NEGR1: variants seen among roughly 807,000 people sequenced by gnomAD.
NEGR1 encodes the protein neuronal growth regulator 1, also known as IgLON family member 4.
Under a neutral mutation model 40.9 loss-of-function variants are expected in NEGR1, and 10 were observed. The observed-to-expected ratio is 0.24, with a 90% CI of 0.15 to 0.42. The LOEUF is 0.42. Among genes scored for constraint, NEGR1 ranks in the 10% least tolerant of loss-of-function variants. The pLI is 1.00. For synonymous variants in NEGR1, 185 were observed against 166.8 expected, an observed-to-expected ratio of 1.11 and a Z score of -0.84; for missense variants, 352 against 438.9, an observed-to-expected ratio of 0.80 and a Z score of 1.77.
intron 5 of NEGR1, among the ~76,000 whole-genome samples, chr1:71,593,271 A>G (rs1278409299): frequency 1.3e-5 from 2 of 152,310 alleles, no homozygotes; most frequent in South Asian, 4.1e-4. Flanking sequence ...ATACCATACC[A>G]ATAATATCTC....
intron 2 of NEGR1, among the ~76,000 whole-genome samples, chr1:71,800,040 G>A (rs570814159): frequency 8.7e-4 from 132 of 152,196 alleles, no homozygotes; most frequent in African/African-American, 3.1e-3. Context: ...GATCGCCATT[G>A]TAATTGGCAT....
chr1:72,188,923 C>T (rs1326798391), intron 1 of NEGR1, among the ~76,000 whole-genome samples: 4 of 151,522 alleles, frequency 2.6e-5, no homozygotes, highest in South Asian at 2.1e-4. Flanking sequence ...AATTCTTAAC[C>T]TTTACTCTTT....
intron 4 of NEGR1, among the ~76,000 whole-genome samples, chr1:71,679,715 T>C (rs1652767246): frequency 6.6e-6 from 1 of 152,142 alleles, no homozygotes; most frequent in African/African-American, 2.4e-5. Context: ...TAAGAGCCTC[T>C]ATTGAAAGGT....
chr1:71,878,377 C>T lies in NEGR1; in HGVS notation c.409+56702G>A, dbSNP rs111342289. Reference sequence around the variant, plus strand: ...GCCTGTTAAAACAGAATGCTGGGCCCCACCCATAGAGTGTCTTATTTATAG... The same window carrying T: ...GCCTGTTAAAACAGAATGCTGGGCCTCACCCATAGAGTGTCTTATTTATAG... On this transcript the variant is annotated intron_variant, in intron 2 of 6. Coordinates refer to ENST00000357731, the MANE Select transcript of NEGR1 (RefSeq NM_173808.3). 2.9e-3 allele frequency among the ~76,000 whole-genome samples: 446 copies of T among 152,176 alleles called. 2 individuals are homozygous for T. Among genetic ancestry groups the T allele is most frequent in the African/African-American group, 0.01 (427 of 41,532 alleles).
intron 2 of NEGR1, among the ~76,000 whole-genome samples, chr1:71,896,591 T>C (rs1294712485): frequency 6.6e-6 from 1 of 152,220 alleles, no homozygotes; most frequent in East Asian, 1.9e-4. Context: ...CTTGTGCTTT[T>C]GTTGTCAAAT....
intron 6 of NEGR1, among the ~76,000 whole-genome samples, chr1:71,433,329 G>A (rs1020997041): frequency 6.6e-6 from 1 of 152,194 alleles, no homozygotes; most frequent in African/African-American, 2.4e-5. Flanking sequence ...ATCTCACATA[G>A]TTACCCATTA....
At chr1:71,548,359 CTAAG>C (rs1647969041) in intron 6 of NEGR1, among the ~76,000 whole-genome samples, 1 of 151,646 alleles carries the variant, frequency 6.6e-6, no homozygotes, top group South Asian at 2.1e-4. Context: ...TACCTTCACA[CTAAG>C]TGAGGCACCC....
intron 1 of NEGR1, among the ~76,000 whole-genome samples, chr1:72,219,027 TTCCTCATAC>T (rs1653923247): frequency 6.6e-6 from 1 of 152,022 alleles, no homozygotes; most frequent in Non-Finnish European, 1.5e-5. Flanking sequence ...TGACATGTCC[TTCCTCATAC>T]AAAGCGCCCA....
intron 6 of NEGR1, chr1:71,439,830 T>C (rs1646534702): frequency 6.6e-6 from 1 of 152,104 alleles, no homozygotes; most frequent in South Asian, 2.1e-4. Flanking sequence ...TTTCTGTATA[T>C]GCCTATATCT....
Position 71,735,366 on chromosome 1 carries a change from CTG to C in NEGR1, c.536-37229_536-37228del, listed in dbSNP as rs1198698653. Among the ~76,000 whole-genome samples, 3 of 152,140 alleles carry C rather than the reference CTG, an allele frequency of 2.0e-5. No individual in the cohort carries two copies. The East Asian group carries it at 5.8e-4, about 29-fold the overall frequency. On this transcript the variant is annotated intron_variant, in intron 3 of 6. Coordinates refer to ENST00000357731, the MANE Select transcript of NEGR1 (RefSeq NM_173808.3). ...TTTTTAACCCACCACTAACTGTAAG[CTG>C]TTGAGAGCACAAAATACATCACTAT...
intron 1 of NEGR1, among the ~76,000 whole-genome samples, chr1:72,189,842 G>T (rs1273446875): frequency 2.0e-5 from 3 of 151,542 alleles, no homozygotes; most frequent in African/African-American, 7.3e-5. Flanking sequence ...ATTTGCTGAA[G>T]AACACAGATG....
chr1:72,010,776 A>G (rs1186345189), intron 1 of NEGR1, among the ~76,000 whole-genome samples: 2 of 152,294 alleles, frequency 1.3e-5, no homozygotes, highest in East Asian at 1.9e-4. Context: ...GTTTGCTGGT[A>G]GAAGCCTGGA....
chr1:71,704,252 A>T (rs1163581817), intron 3 of NEGR1, among the ~76,000 whole-genome samples: 1 of 151,908 alleles, frequency 6.6e-6, no homozygotes, highest in Non-Finnish European at 1.5e-5. Flanking sequence ...TTGGAAAAGA[A>T]AGAACAAATA....
At chr1:71,624,372 C>T (rs1170689004) in intron 4 of NEGR1, among the ~76,000 whole-genome samples, 2 of 152,048 alleles carry the variant, frequency 1.3e-5, no homozygotes, top group Non-Finnish European at 2.9e-5. Flanking sequence ...GCTCCTGTTA[C>T]AAATCATTCT....
At chr1:72,039,123 G>C (rs1330712841) in intron 1 of NEGR1, among the ~76,000 whole-genome samples, 3 of 151,968 alleles carry the variant, frequency 2.0e-5, no homozygotes, top group Non-Finnish European at 4.4e-5. Flanking sequence ...GGAGGTAGAA[G>C]AGATTGTGAA....
At chr1:71,568,836 G>GTGTGTT (rs1270614844) in intron 6 of NEGR1, among the ~76,000 whole-genome samples, 150 of 146,372 alleles carry the variant, frequency 1.0e-3, no homozygotes, top group African/African-American at 3.6e-3. Context: ...ATACGTGTGT[G>GTGTGTT]TGTGTGTGTG....
chr1:71,977,539 G>A (rs1358582144), intron 1 of NEGR1, among the ~76,000 whole-genome samples: 1 of 151,912 alleles, frequency 6.6e-6, no homozygotes, highest in African/African-American at 2.4e-5. Flanking sequence ...CCACTTTAAA[G>A]ATTTCGTAAA....
At chr1:72,258,797 T>C (rs919193110) in intron 1 of NEGR1, among the ~76,000 whole-genome samples, 3 of 152,158 alleles carry the variant, frequency 2.0e-5, no homozygotes, top group Admixed American at 6.5e-5. Context: ...AATGTATTTT[T>C]ACAAACTAAA....
At chr1:72,055,092 C>T (rs1647098334) in intron 1 of NEGR1, among the ~76,000 whole-genome samples, 1 of 150,966 alleles carries the variant, frequency 6.6e-6, no homozygotes, top group Admixed American at 6.6e-5. Flanking sequence ...ACATGTTTTT[C>T]CTTAAAAAAT....
Sources: gnomAD v4.1 joint callset for allele counts (sites outside exome capture counted in the v4.1 genomes callset) on GRCh38, gnomAD v4.1.1 for gene constraint, MANE v1.5 for transcripts, NCBI Gene and HGNC (gene_info 2026-07-23, HGNC 2026-07-21) for gene names.